Variants in DDX27 observed in about 807,000 individuals in gnomAD.
DDX27 encodes the protein DEAD-box helicase 27, also known as probable ATP-dependent RNA helicase DDX27.
A neutral mutation model predicts 99.3 loss-of-function variants in DDX27; 42 were observed. The observed-to-expected ratio is 0.42, with a 90% CI of 0.33 to 0.55. The LOEUF (loss-of-function observed/expected upper bound fraction) is 0.55, where lower values mean the gene tolerates loss of function less well. Ranked by LOEUF, DDX27 falls within the 20% of genes least tolerant of loss-of-function variation. The pLI, the probability that DDX27 is intolerant of heterozygous loss-of-function variation, is 0.07. For missense variants in DDX27, 798 were observed against 976.8 expected, an observed-to-expected ratio of 0.82 and a Z score of 2.44; for synonymous variants, 329 against 353.8, an observed-to-expected ratio of 0.93 and a Z score of 0.79.
At chr20:49,225,346 T>A in intron 6 of DDX27, 147 bp downstream of exon 6, 1 of 679,216 alleles carries the variant, frequency 1.5e-6, no homozygotes, top group Middle Eastern at 2.9e-4. Flanking sequence ...TGGCCAGTAG[T>A]GGCTTATTTT....
chr20:49,230,158 A>G (rs772971200), intron 8 of DDX27, 41 bp from the exon 9 acceptor site: 3 of 1,577,114 alleles, frequency 1.9e-6, no homozygotes, highest in Non-Finnish European at 2.6e-6. Flanking sequence ...ACCCATGAGC[A>G]GCTGACCTGG....
At position 49,243,624 on chromosome 20, in the gene DDX27, C is replaced by G; in HGVS notation, c.2205-5C>G. On this transcript the variant is annotated splice_region_variant and splice_polypyrimidine_tract_variant and intron_variant, in intron 19 of 20. Coordinates refer to ENST00000618172, the MANE Select transcript of DDX27 (RefSeq NM_017895.8). ...CTCATTTCAGCATGTCATCTTCTCT[C>G]ACAGCCCTTCCTTTGAAGAAAGGAA... The G allele has an allele frequency of 6.2e-7, 1 of 1,614,098 alleles. No homozygotes were observed. The highest frequency in any genetic ancestry group is 8.5e-7 in the Non-Finnish European group (1 of 1,179,974).
chr20:49,226,625 T>G, intron 7 of DDX27, 90 bp downstream of exon 7: 1 of 809,402 alleles, frequency 1.2e-6, no homozygotes, highest in African/African-American at 1.8e-5. Context: ...GTTTGCTAAA[T>G]AAATATTCTT....
At chr20:49,221,909 G>C (rs1025214789) in intron 2 of DDX27, among the ~76,000 whole-genome samples, 8 of 148,558 alleles carry the variant, frequency 5.4e-5, no homozygotes, top group Non-Finnish European at 7.4e-5. Flanking sequence ...TGGTGTCACT[G>C]TGCAGTGTCC....
At chr20:49,235,373 G>A (rs1166578116) in intron 12 of DDX27, 1 of 322,916 alleles carries the variant, frequency 3.1e-6, no homozygotes, top group Non-Finnish European at 5.6e-6. Flanking sequence ...GGCAACACAT[G>A]GTCTCTTCTT....
rs1226572559 is a variant in DDX27 at position 49,226,468 on chromosome 20, C to T, written c.639C>T (p.Ile213=). The T allele has an allele frequency of 6.2e-7, 1 of 1,614,058 alleles. No homozygotes were observed. Among genetic ancestry groups the T allele is most frequent in the Non-Finnish European group, 8.5e-7 (1 of 1,179,982 alleles). ...TAMGFKQPTP[I]QKACIPVGLL... ...TGGGCTTCAAGCAGCCCACCCCGAT[C>T]CAGAAGGCGTGCATACCTGTGGGTC... Residue 213 remains isoleucine, a synonymous_variant, in exon 7 of 21, where the codon ATC becomes ATT. Coordinates refer to ENST00000618172, the MANE Select transcript of DDX27 (RefSeq NM_017895.8).
rs141361677 is a variant in DDX27 at position 49,238,656 on chromosome 20, C to T, written c.1688-293C>T. On this transcript the variant is annotated intron_variant, in intron 14 of 20. Transcript: ENST00000618172. ...CTGATTTTTGTATTTTTAATAGAGA[C>T]GGGGTTTCACAGCATTGGCCAAGCT... is the stretch of plus-strand genomic sequence containing the variant. The T allele has an allele frequency of 2.4e-3, 857 of 359,304 alleles. 8 individuals carry two copies. Among genetic ancestry groups the T allele is most frequent in the African/African-American group, 0.015 (730 of 47,318 alleles). The allele number at this position is 359,304 out of a possible 1,614,324, so 22.3% of individuals were successfully genotyped here.
At chr20:49,223,467 A>G in intron 4 of DDX27, 34 bp downstream of exon 4, 1 of 1,577,692 alleles carries the variant, frequency 6.3e-7, no homozygotes, top group Non-Finnish European at 8.6e-7. Context: ...AGTAATGGGG[A>G]CAGGAGATCA....
intron 9 of DDX27, among the ~76,000 whole-genome samples, chr20:49,230,767 C>T (rs1019961577): frequency 3.9e-5 from 6 of 152,154 alleles, no homozygotes; most frequent in Non-Finnish European, 7.4e-5. Flanking sequence ...TCTCCCCCCA[C>T]CCCGCCCCCC....
chr20:49,234,188 G>A (rs1980225760), intron 11 of DDX27: 1 of 154,636 alleles, frequency 6.5e-6, no homozygotes, highest in Non-Finnish European at 1.4e-5. Context: ...GGACTCTTCG[G>A]GCCTGGCCCT....
rs569108349 is a variant in DDX27, at chr20:49,224,467, A to G, written c.467-478A>G. ...AACCTCTGCCTCCCGGGTGCAAGCA[A>G]CTCTCCTGTCTCAGCCTCCCAAGTA... is the stretch of plus-strand genomic sequence containing the variant. On this transcript the variant is annotated intron_variant, in intron 4 of 20. Transcript: ENST00000618172. 4.0e-5 allele frequency among the ~76,000 whole-genome samples: 6 copies of G among 151,012 alleles called. No individual in the cohort carries two copies. The South Asian group carries it at 6.3e-4, about 16-fold the overall frequency.
chr20:49,225,960 T>C (rs1376107565), intron 6 of DDX27, among the ~76,000 whole-genome samples: 1 of 152,174 alleles, frequency 6.6e-6, no homozygotes, highest in African/African-American at 2.4e-5. Context: ...TCAAATAGGT[T>C]AGGCCTCCTC....
intron 12 of DDX27, 36 bp downstream of exon 12, chr20:49,235,124 CCTT>C: frequency 6.4e-7 from 1 of 1,551,534 alleles, no homozygotes; most frequent in South Asian, 1.2e-5. Flanking sequence ...CTCCCACCAT[CCTT>C]CTGGGGCAGA....
At chr20:49,226,575 A>AGCC in intron 7 of DDX27, 40 bp downstream of exon 7, 1 of 1,515,292 alleles carries the variant, frequency 6.6e-7, no homozygotes, top group Non-Finnish European at 9.1e-7. Context: ...GAAGGGTGTT[A>AGCC]CGGCCAGGGC....
chr20:49,226,384 G>T, intron 6 of DDX27, 46 bp from the exon 7 acceptor site: 1 of 1,512,588 alleles, frequency 6.6e-7, no homozygotes, highest in South Asian at 1.2e-5. Context: ...GTTGTGCTGA[G>T]ACTTCCCCCG....
chr20:49,219,432 G>C lies in DDX27; in HGVS notation c.-17G>C. On this transcript the variant is annotated 5_prime_UTR_variant, in exon 1 of 21. Transcript: ENST00000618172. ...CCGCAGGCTGTGCTCGCTTCCGGAA[G>C]TGGCTTCTGCGACAACATGCTTGCG... The C allele has an allele frequency of 6.2e-7, 1 of 1,614,128 alleles. No homozygotes were observed. The highest frequency in any genetic ancestry group is 8.5e-7 in the Non-Finnish European group (1 of 1,180,020).
intron 12 of DDX27, chr20:49,235,883 A>G (rs1980285517): frequency 9.5e-6 from 2 of 210,326 alleles, no homozygotes; most frequent in African/African-American, 4.6e-5. Flanking sequence ...AGCTGGGACT[A>G]CAGGCGCCCG....
Position 49,241,943 on chromosome 20 carries a change from A to G in DDX27, c.1948A>G (p.Arg650Gly). ...FDLALRGKKK[R>G]KKFMKDAKKK... Reference sequence around the variant, plus strand: ...CTTGGCCTTAAGAGGAAAGAAGAAAAGGAAGAAGTTTATGAAGGATGCCAA... The same window carrying G: ...CTTGGCCTTAAGAGGAAAGAAGAAAGGGAAGAAGTTTATGAAGGATGCCAA... The change falls in exon 17 of 21, where the codon AGG (arginine) becomes GGG (glycine). Residue 650 changes from arginine to glycine, a missense_variant. Coordinates refer to ENST00000618172, the MANE Select transcript of DDX27 (RefSeq NM_017895.8). The G allele has an allele frequency of 6.2e-7, 1 of 1,614,108 alleles. No homozygotes were observed. The highest frequency in any genetic ancestry group is 2.2e-5 in the East Asian group (1 of 44,884).
chr20:49,233,703 G>C lies in DDX27; in HGVS notation c.1267G>C (p.Val423Leu). ...TCGTGAAGGAGACCGGGAAGCCATC[G>C]TGGCAGGTGGCAGCACAGGGCAAGC... ...PNREGDREAI[V>L]AALLTRTFTD... Residue 423 changes from valine to leucine, a missense_variant, in exon 11 of 21, where the codon GTG (valine) becomes CTG (leucine). Around this residue, in one of 2 missense-constraint regions of DDX27, gnomAD observed 553 missense variants for 727.9 expected, o/e 0.76. Coordinates refer to ENST00000618172, the MANE Select transcript of DDX27 (RefSeq NM_017895.8). The C allele has an allele frequency of 1.9e-6, 3 of 1,613,194 alleles. No individual in the cohort carries two copies. Among genetic ancestry groups the C allele is most frequent in the Non-Finnish European group, 2.5e-6 (3 of 1,179,598 alleles).
Sources: gnomAD v4.1 joint callset for allele counts (sites outside exome capture counted in the v4.1 genomes callset) on GRCh38, gnomAD v4.1.1 for gene constraint, gnomAD v4.1.1 regional missense constraint, MANE v1.5 for transcripts, NCBI Gene and HGNC (gene_info 2026-07-23, HGNC 2026-07-21) for gene names.